CNTN3: variants seen among roughly 807,000 people sequenced by gnomAD.
The protein encoded by CNTN3 is contactin-3.
CNTN3 carries 60 observed loss-of-function variants against 119.1 expected under a neutral mutation model. That is an observed-to-expected ratio of 0.50 (90% CI 0.41 to 0.62). The LOEUF is 0.62. Ranked by LOEUF, CNTN3 falls within the 20% of genes least tolerant of loss-of-function variation. CNTN3 has a pLI of 0.00. For missense variants in CNTN3, 1,101 were observed against 1,242.4 expected (o/e 0.89, Z 1.71); for synonymous variants, 450 against 438.7 (o/e 1.03, Z -0.32).
chr3:74,565,441 C>T (rs1038732130), intron 1 of CNTN3, among the ~76,000 whole-genome samples: 3 of 152,182 alleles, frequency 2.0e-5, no homozygotes, highest in Admixed American at 1.3e-4. Flanking sequence ...TGTGATCACA[C>T]TGGGCCCAAA....
intron 19 of CNTN3, among the ~76,000 whole-genome samples, chr3:74,292,920 C>T (rs1702262051): frequency 6.6e-6 from 1 of 152,184 alleles, no homozygotes; most frequent in Non-Finnish European, 1.5e-5. Flanking sequence ...CATCTATTGT[C>T]ATGGAATTAA....
chr3:74,570,032 C>A (rs536463083), intron 1 of CNTN3, among the ~76,000 whole-genome samples: 2 of 152,234 alleles, frequency 1.3e-5, no homozygotes, highest in East Asian at 3.9e-4. Context: ...GCATAACCCC[C>A]ACAGCCGGCT....
At chr3:74,444,582 C>T (rs78869834) in intron 4 of CNTN3, among the ~76,000 whole-genome samples, 1 of 151,892 alleles carries the variant, frequency 6.6e-6, no homozygotes, top group Non-Finnish European at 1.5e-5. Flanking sequence ...TCCAACAATG[C>T]TAACTTTCTT....
At chr3:74,520,355 T>G (rs1703522946) in intron 2 of CNTN3, among the ~76,000 whole-genome samples, 1 of 151,492 alleles carries the variant, frequency 6.6e-6, no homozygotes, top group African/African-American at 2.4e-5. Context: ...GTATTATTGT[T>G]TCAGCTTTTT....
intron 2 of CNTN3, among the ~76,000 whole-genome samples, chr3:74,520,254 G>C (rs1188004181): frequency 2.0e-5 from 3 of 150,774 alleles, no homozygotes. Flanking sequence ...AAAGGAAAAA[G>C]CACACATTCA....
At chr3:74,307,439 G>C (rs1171312186) in intron 13 of CNTN3, among the ~76,000 whole-genome samples, 4 of 152,116 alleles carry the variant, frequency 2.6e-5, no homozygotes. Context: ...AGTATTAACA[G>C]TAAATGGATT....
rs554788526 is a variant in CNTN3, at chr3:74,504,366, G to C, written c.56-4581C>G. ...TCAATCCCAAACAGAATGAGCTCTA[G>C]CCTGGGTCAAAGAAAGTAAAATCAT... On this transcript the variant is annotated intron_variant, in intron 2 of 22. Transcript: ENST00000263665. Among the ~76,000 whole-genome samples the C allele has an allele frequency of 4.6e-5, 7 of 152,220 alleles. No individual in the cohort carries two copies. In the East Asian group the frequency reaches 1.4e-3, roughly 30 times the overall value.
At chr3:74,544,573 A>G (rs1420510781) in intron 1 of CNTN3, among the ~76,000 whole-genome samples, 1 of 151,944 alleles carries the variant, frequency 6.6e-6, no homozygotes, top group African/African-American at 2.4e-5. Context: ...TAATACACGT[A>G]TCCTAGATGA....
chr3:74,287,893 T>A (rs1702144694), intron 19 of CNTN3, among the ~76,000 whole-genome samples: 1 of 152,164 alleles, frequency 6.6e-6, no homozygotes, highest in Non-Finnish European at 1.5e-5. Flanking sequence ...GCTATGGCTC[T>A]CTCCAGTAAA....
At chr3:74,317,401 G>C (rs1273661965) in intron 13 of CNTN3, among the ~76,000 whole-genome samples, 8 of 152,120 alleles carry the variant, frequency 5.3e-5, no homozygotes, top group Admixed American at 4.6e-4. Flanking sequence ...TGGTTATTTT[G>C]CTCGTTAGTT....
intron 18 of CNTN3, among the ~76,000 whole-genome samples, chr3:74,297,612 G>C (rs1702367358): frequency 6.6e-6 from 1 of 152,196 alleles, no homozygotes; most frequent in Non-Finnish European, 1.5e-5. Context: ...GCTACCTGTA[G>C]AGAGATTTAA....
intron 13 of CNTN3, among the ~76,000 whole-genome samples, chr3:74,309,352 G>A (rs192782241): frequency 1.3e-4 from 20 of 152,138 alleles, no homozygotes; most frequent in Admixed American, 5.2e-4. Flanking sequence ...TGATCCACCC[G>A]CCTTGGCCAT....
At chr3:74,579,254 A>G (rs1459686338) in intron 1 of CNTN3, among the ~76,000 whole-genome samples, 1 of 152,038 alleles carries the variant, frequency 6.6e-6, no homozygotes, top group South Asian at 2.1e-4. Context: ...AAAATACAGC[A>G]TGCACAAATT....
At chr3:74,353,251 T>C (rs1694174839) in intron 11 of CNTN3, among the ~76,000 whole-genome samples, 1 of 152,178 alleles carries the variant, frequency 6.6e-6, no homozygotes, top group African/African-American at 2.4e-5. Context: ...GGAGGGGCAA[T>C]GACAGAAATG....
chr3:74,548,911 G>A (rs973406896), intron 1 of CNTN3, among the ~76,000 whole-genome samples: 2 of 152,218 alleles, frequency 1.3e-5, no homozygotes, highest in African/African-American at 4.8e-5. Context: ...GTACATTCAT[G>A]GTCTTACCCT....
intron 5 of CNTN3, among the ~76,000 whole-genome samples, chr3:74,388,962 C>T (rs979804744): frequency 1.3e-5 from 2 of 152,164 alleles, no homozygotes; most frequent in Non-Finnish European, 1.5e-5. Context: ...GATCGATACA[C>T]GTACTCTGGC....
rs142706711 is a variant in CNTN3, at chr3:74,430,065, T to C, written c.359-5125A>G. Among the ~76,000 whole-genome samples, 750 of 152,292 alleles carry C rather than the reference T, an allele frequency of 4.9e-3. 9 individuals are homozygous for C. Among genetic ancestry groups the C allele is most frequent in the African/African-American group, 0.017 (713 of 41,550 alleles). On this transcript the variant is annotated intron_variant, in intron 4 of 22. Coordinates refer to ENST00000263665, the MANE Select transcript of CNTN3 (RefSeq NM_020872.3). ...TAAGTGTAAAATGTCAAAGCCAATATGGAAAACATGTTTTTTAGTTTCCTG... is the reference window on the plus strand; with the variant it reads ...TAAGTGTAAAATGTCAAAGCCAATACGGAAAACATGTTTTTTAGTTTCCTG...
At chr3:74,582,828 A>C (rs1037629031) in intron 1 of CNTN3, among the ~76,000 whole-genome samples, 1 of 147,278 alleles carries the variant, frequency 6.8e-6, no homozygotes, top group African/African-American at 2.6e-5. Flanking sequence ...CCTACGACAC[A>C]GAATTTCTAC....
rs144329975 is a variant in CNTN3 at position 74,467,490 on chromosome 3, T to A, written c.358+18966A>T. Among the ~76,000 whole-genome samples, 7 of 152,210 alleles carry A rather than the reference T, an allele frequency of 4.6e-5. No individual in the cohort carries two copies. The East Asian group carries it at 1.4e-3, about 29-fold the overall frequency. ...ATCACAGCGGTATAATGGATAAGCA[T>A]TAAACCAGGACTCAATTAAATAGAT... is the stretch of plus-strand genomic sequence containing the variant. On this transcript the variant is annotated intron_variant, in intron 4 of 22. Transcript: ENST00000263665.
Sources: gnomAD v4.1 joint callset for allele counts (sites outside exome capture counted in the v4.1 genomes callset) on GRCh38, gnomAD v4.1.1 for gene constraint, MANE v1.5 for transcripts, NCBI Gene and HGNC (gene_info 2026-07-23, HGNC 2026-07-21) for gene names.